The following SLC2A14 variants were observed in gnomAD, a reference collection of about 807,000 sequenced individuals.
The protein encoded by SLC2A14 is solute carrier family 2, facilitated glucose transporter member 14.
Under a neutral mutation model 43.0 loss-of-function variants are expected in SLC2A14, and 13 were observed. The observed-to-expected ratio is 0.30, with a 90% confidence interval of 0.20 to 0.48. SLC2A14 has a LOEUF of 0.48. Among genes scored for constraint, SLC2A14 ranks in the 20% least tolerant of loss-of-function variants. SLC2A14 has a pLI of 0.99. For missense variants in SLC2A14, 428 were observed against 620.4 expected, an observed-to-expected ratio of 0.69 and a Z score of 3.29; for synonymous variants, 190 against 233.8, an observed-to-expected ratio of 0.81 and a Z score of 1.71.
chr12:7,869,780 G>T (rs1448497068), intron 2 of SLC2A14, 83 bp downstream of exon 2: 2 of 887,802 alleles, frequency 2.3e-6, no homozygotes, highest in African/African-American at 1.7e-5. Context: ...GACATGAAAA[G>T]TTTAGGAAGA....
intron 7 of SLC2A14, among the ~76,000 whole-genome samples, chr12:7,823,395 G>GA (rs887523413): frequency 1.6e-5 from 2 of 126,094 alleles, no homozygotes; most frequent in African/African-American, 3.0e-5. Flanking sequence ...AAAAAAAAAA[G>GA]AAAAAAAAAG....
chr12:7,864,529 G>A (rs1029421594), intron 2 of SLC2A14, among the ~76,000 whole-genome samples: 5 of 151,648 alleles, frequency 3.3e-5, no homozygotes, highest in South Asian at 2.1e-4. Flanking sequence ...TAGTAGAGAC[G>A]GGGTTTCACC....
rs1043075893 is a variant in SLC2A14 at position 7,836,778 on chromosome 12, G to C, written c.19-3964C>G. On this transcript the variant is annotated intron_variant, in intron 2 of 10. Transcript: ENST00000431042. ...TTGAACCCGGGAGGCGGACATTACA[G>C]TGAGCCTAGATCATGCCACTGCACA... 4.6e-5 allele frequency among the ~76,000 whole-genome samples: 7 copies of C among 152,020 alleles called. No individual in the cohort carries two copies. The East Asian group carries it at 1.4e-3, about 30-fold the overall frequency.
At chr12:7,878,646 CAT>C (rs1945505736) in intron 1 of SLC2A14, among the ~76,000 whole-genome samples, 1 of 151,840 alleles carries the variant, frequency 6.6e-6, no homozygotes, top group Admixed American at 6.6e-5. Context: ...AAAATAAAAA[CAT>C]AGTGAAATAT....
intron 2 of SLC2A14, among the ~76,000 whole-genome samples, chr12:7,846,714 C>T (rs1015025524): frequency 4.8e-5 from 7 of 147,078 alleles, no homozygotes; most frequent in Non-Finnish European, 1.1e-4. Flanking sequence ...TCACTCCAAC[C>T]TCTGCCTCCT....
chr12:7,868,092 G>A (rs758902308), intron 2 of SLC2A14, among the ~76,000 whole-genome samples: 3 of 152,192 alleles, frequency 2.0e-5, no homozygotes, highest in Non-Finnish European at 4.4e-5. Context: ...AATAGATGCA[G>A]CAAACTTCAT....
chr12:7,814,630 C>G, intron 10 of SLC2A14, 96 bp from the exon 11 acceptor site: 1 of 1,269,142 alleles, frequency 7.9e-7, no homozygotes, highest in Non-Finnish European at 1.1e-6. Context: ...AGGCTTCAAG[C>G]TATAACCCTT....
At chr12:7,838,655 G>A (rs1465103309) in intron 2 of SLC2A14, among the ~76,000 whole-genome samples, 1 of 152,162 alleles carries the variant, frequency 6.6e-6, no homozygotes, top group Non-Finnish European at 1.5e-5. Flanking sequence ...TTTGGATTTG[G>A]AACTCATGCT....
Position 7,827,745 on chromosome 12 carries a change from G to T in SLC2A14, c.677-63C>A, listed in dbSNP as rs1864622355. 7 of 1,457,834 alleles carry T rather than the reference G, an allele frequency of 4.8e-6. No individual in the cohort carries two copies. The East Asian group carries it at 1.5e-4, about 30-fold the overall frequency. 90.3% of individuals were successfully genotyped at this position (1,457,834 alleles called of 1,614,324 possible). On this transcript the variant is annotated intron_variant, in intron 6 of 10. Coordinates refer to ENST00000431042, the MANE Select transcript of SLC2A14 (RefSeq NM_001286234.2). The stretch of plus-strand genomic sequence containing the variant: ...GTGCTGCCCCAAATTCATTCTTCCT[G>T]TAAGGCAGCCAGGAAAGGGCCGCAC...
chr12:7,886,490 T>C (rs927487500), intron 1 of SLC2A14, among the ~76,000 whole-genome samples: 1 of 151,948 alleles, frequency 6.6e-6, no homozygotes, highest in African/African-American at 2.4e-5. Flanking sequence ...GTGCGTGAAG[T>C]ACTGCAGCTA....
chr12:7,873,131 G>C (rs1057475554), upstream of SLC2A14: 54 of 985,556 alleles, frequency 5.5e-5, no homozygotes, highest in African/African-American at 6.3e-4. Context: ...CCCTCCGAGC[G>C]CCCCCTCAGG....
Position 7,890,567 on chromosome 12 carries a change from C to T in SLC2A14, c.132+429G>A, listed in dbSNP as rs141373597. ...TAAATTGTTAGCTCATTTTAACACG[C>T]CCTTATGCCAGCCTAGTCCAACAAA... On this transcript the variant is annotated intron_variant, in intron 1 of 9. Coordinates refer to the SLC2A14 transcript ENST00000539924. 8.7e-4 allele frequency among the ~76,000 whole-genome samples: 132 copies of T among 152,228 alleles called. 1 individual carries two copies. Among genetic ancestry groups the T allele is most frequent in the African/African-American group, 3.0e-3 (124 of 41,548 alleles).
chr12:7,866,839 G>C (rs1365008147), intron 2 of SLC2A14, among the ~76,000 whole-genome samples: 2 of 152,102 alleles, frequency 1.3e-5, no homozygotes, highest in Non-Finnish European at 2.9e-5. Flanking sequence ...TAGTTATCCA[G>C]ATTTAGCTAA....
At chr12:7,815,021 A>C (rs1863309078) in intron 10 of SLC2A14, among the ~76,000 whole-genome samples, 1 of 151,832 alleles carries the variant, frequency 6.6e-6, no homozygotes, top group African/African-American at 2.4e-5. Context: ...GCTGGTCTCA[A>C]ACTCCTGACC....
At chr12:7,886,514 A>G (rs1245046850) in intron 1 of SLC2A14, among the ~76,000 whole-genome samples, 1 of 151,948 alleles carries the variant, frequency 6.6e-6, no homozygotes, top group African/African-American at 2.4e-5. Flanking sequence ...AAAATTTTTC[A>G]TAATAAAAAG....
intron 7 of SLC2A14, 86 bp from the exon 8 acceptor site, chr12:7,821,411 G>T (rs1390968366): frequency 3.3e-6 from 4 of 1,206,876 alleles, no homozygotes; most frequent in Non-Finnish European, 4.9e-6. Context: ...GGCTGAGCGT[G>T]GTTGCACAGG....
In SLC2A14 at chr12:7,821,326, C is replaced by T; in HGVS notation, c.865-1G>A. On this transcript the variant is annotated splice_acceptor_variant, in intron 7 of 10. Coordinates refer to ENST00000431042, the MANE Select transcript of SLC2A14 (RefSeq NM_001286234.2). LOFTEE classifies it high-confidence loss of function. ...AGATTCCTGTTGAGTAATAGAACAC[C>T]TAGGAGAAAAGAAAACATGCAGCTT... 3.1e-6 allele frequency: 5 copies of T among 1,611,570 alleles called. No homozygotes were observed. Among genetic ancestry groups the T allele is most frequent in the Non-Finnish European group, 3.4e-6 (4 of 1,178,122 alleles).
At chr12:7,855,638 T>C (rs749770027) in intron 2 of SLC2A14, among the ~76,000 whole-genome samples, 1 of 151,060 alleles carries the variant, frequency 6.6e-6, no homozygotes, top group South Asian at 2.1e-4. Context: ...TTTTTTTTTC[T>C]TTTTCTTTGT....
intron 2 of SLC2A14, among the ~76,000 whole-genome samples, chr12:7,854,612 G>A (rs895662856): frequency 6.7e-6 from 1 of 150,330 alleles, no homozygotes; most frequent in African/African-American, 2.4e-5. Flanking sequence ...CCGCCTCCCG[G>A]GTTCAAACAA....
Sources: gnomAD v4.1 joint callset for allele counts (sites outside exome capture counted in the v4.1 genomes callset) on GRCh38, gnomAD v4.1.1 for gene constraint, MANE v1.5 for transcripts, NCBI Gene and HGNC (gene_info 2026-07-23, HGNC 2026-07-21) for gene names.